The following TLN2 variants were observed in gnomAD, a reference collection of about 807,000 sequenced individuals.
The protein encoded by TLN2 is talin 2, also known as talin-2.
TLN2 carries 118 observed loss-of-function variants against 294.7 expected under a neutral mutation model. The observed-to-expected ratio is 0.40, with a 90% confidence interval of 0.34 to 0.47. The LOEUF (loss-of-function observed/expected upper bound fraction) is 0.47. TLN2 is among the 20% of genes least tolerant of loss of function. TLN2 has a pLI of 0.84. For missense variants in TLN2, 3,083 were observed against 3,282.2 expected (o/e 0.94, Z 1.48); for synonymous variants, 1,431 against 1,304.5 (o/e 1.10, Z -2.09).
intron 17 of TLN2, 131 bp downstream of exon 17, chr15:62,701,345 C>T (rs1056185243): frequency 1.8e-5 from 14 of 761,384 alleles, no homozygotes; most frequent in African/African-American, 1.2e-4. Context: ...TAGTCTAAGG[C>T]ACTTTTAGTG....
At chr15:62,665,779 C>T (rs2054556527) in intron 9 of TLN2, among the ~76,000 whole-genome samples, 1 of 152,212 alleles carries the variant, frequency 6.6e-6, no homozygotes, top group Non-Finnish European at 1.5e-5. Flanking sequence ...CACTTGGCCT[C>T]TGTTCAAACA....
intron 1 of TLN2, among the ~76,000 whole-genome samples, chr15:62,472,951 G>A (rs1466035791): frequency 6.6e-6 from 1 of 152,186 alleles, no homozygotes; most frequent in Non-Finnish European, 1.5e-5. Flanking sequence ...GCCATGTCTG[G>A]TTCTTTGCTC....
intron 1 of TLN2, among the ~76,000 whole-genome samples, chr15:62,445,247 C>T (rs1306507781): frequency 6.6e-6 from 1 of 152,186 alleles, no homozygotes; most frequent in Non-Finnish European, 1.5e-5. Flanking sequence ...TAGGAATCAC[C>T]TGTGGCTTTA....
At chr15:62,542,314 C>T (rs1302147411) in intron 1 of TLN2, among the ~76,000 whole-genome samples, 2 of 152,086 alleles carry the variant, frequency 1.3e-5, no homozygotes, top group African/African-American at 4.8e-5. Flanking sequence ...GCCTCAGCCT[C>T]CAGAGTAGCT....
At chr15:62,793,541 T>G (rs1207227419) in intron 46 of TLN2, among the ~76,000 whole-genome samples, 2 of 152,204 alleles carry the variant, frequency 1.3e-5, no homozygotes, top group Admixed American at 6.5e-5. Context: ...CAGTTACACA[T>G]GTAATAAATC....
chr15:62,544,992 C>T (rs150322181), intron 1 of TLN2, among the ~76,000 whole-genome samples: 4,144 of 151,848 alleles, frequency 0.027, 192 homozygotes, highest in African/African-American at 0.095. Flanking sequence ...TGCAGTGTTG[C>T]GATCTCGGCT....
chr15:62,739,490 G>A lies in TLN2; in HGVS notation c.3830G>A (p.Ser1277Asn), dbSNP rs759667352. 2 of 1,614,228 alleles carry A rather than the reference G, an allele frequency of 1.2e-6. No homozygotes were observed. The highest frequency in any genetic ancestry group is 2.2e-5 in the East Asian group (1 of 44,884). ...TTGGCTGCAGCCTCTGGAAAGTTCA[G>A]TGATGATTTTGATGAATTCCTCGAT... The part of the protein sequence containing the change: ...GELAAASGKF[S>N]DDFDEFLDAG... The change falls in exon 31 of 59, where the codon AGT (serine) becomes AAT (asparagine). Residue 1277 changes from serine (S) to asparagine (N), a missense_variant. Physicochemically the swap from Ser to Asn is conservative, Grantham distance 46. Transcript: ENST00000636159.
chr15:62,520,787 C>T (rs911664684), intron 1 of TLN2, among the ~76,000 whole-genome samples: 3 of 152,140 alleles, frequency 2.0e-5, no homozygotes, highest in Non-Finnish European at 4.4e-5. Flanking sequence ...AGTTCTATCT[C>T]TTAAGGGAGA....
chr15:62,480,959 T>C (rs2038055015), intron 1 of TLN2, among the ~76,000 whole-genome samples: 1 of 152,220 alleles, frequency 6.6e-6, no homozygotes, highest in South Asian at 2.1e-4. Context: ...GCTAGCACTA[T>C]TGACAGGGCA....
chr15:62,573,887 C>G (rs1298607052), intron 1 of TLN2, among the ~76,000 whole-genome samples: 1 of 151,916 alleles, frequency 6.6e-6, no homozygotes, highest in African/African-American at 2.4e-5. Flanking sequence ...GAAATAGCTA[C>G]CCAAGCTCAC....
intron 9 of TLN2, among the ~76,000 whole-genome samples, chr15:62,659,762 G>T (rs1429251006): frequency 2.0e-5 from 3 of 152,184 alleles, no homozygotes; most frequent in African/African-American, 4.8e-5. Flanking sequence ...TTTTCCTTAT[G>T]AATTTGATTT....
At chr15:62,473,816 G>A (rs556050147) in intron 1 of TLN2, among the ~76,000 whole-genome samples, 26 of 152,312 alleles carry the variant, frequency 1.7e-4, no homozygotes, top group Middle Eastern at 3.4e-3. Flanking sequence ...GTACAGGGCC[G>A]GGCATGGTGG....
intron 1 of TLN2, among the ~76,000 whole-genome samples, chr15:62,562,963 CA>C (rs1596141890): frequency 7.4e-6 from 1 of 134,720 alleles, no homozygotes; most frequent in East Asian, 2.1e-4. Flanking sequence ...CACACACACA[CA>C]CACACACCAG....
intron 35 of TLN2, among the ~76,000 whole-genome samples, chr15:62,753,207 GTTTC>G (rs1485537562): frequency 1.3e-5 from 2 of 152,046 alleles, no homozygotes; most frequent in Non-Finnish European, 2.9e-5. Flanking sequence ...CTTTTTTGTT[GTTTC>G]TTTTCTGGGC....
intron 1 of TLN2, among the ~76,000 whole-genome samples, chr15:62,562,939 C>CACACACACACAG (rs1203087249): frequency 3.5e-4 from 53 of 149,438 alleles, no homozygotes; most frequent in African/African-American, 1.3e-3. Flanking sequence ...CACACACACA[C>CACACACACACAG]ACACACACAC....
intron 14 of TLN2, among the ~76,000 whole-genome samples, chr15:62,697,033 C>T (rs563014874): frequency 6.6e-6 from 1 of 152,176 alleles, no homozygotes; most frequent in African/African-American, 2.4e-5. Context: ...TATTATTTAC[C>T]AAAAATAATA....
At chr15:62,471,274 G>T (rs1012800969) in intron 1 of TLN2, among the ~76,000 whole-genome samples, 2 of 152,206 alleles carry the variant, frequency 1.3e-5, no homozygotes, top group Non-Finnish European at 2.9e-5. Context: ...AGGAGGTCGA[G>T]GTCGAGGCTG....
intron 1 of TLN2, among the ~76,000 whole-genome samples, chr15:62,464,235 A>G (rs1484685337): frequency 6.6e-6 from 1 of 152,238 alleles, no homozygotes; most frequent in Non-Finnish European, 1.5e-5. Context: ...ATGGAATACT[A>G]TGCAGCCATA....
intron 1 of TLN2, among the ~76,000 whole-genome samples, chr15:62,474,648 A>T (rs903260147): frequency 2.6e-5 from 4 of 152,168 alleles, no homozygotes; most frequent in African/African-American, 9.7e-5. Context: ...CTCAAAAAAG[A>T]ATAAGGAATA....
Sources: gnomAD v4.1 joint callset for allele counts (sites outside exome capture counted in the v4.1 genomes callset) on GRCh38, gnomAD v4.1.1 for gene constraint, MANE v1.5 for transcripts, NCBI Gene and HGNC (gene_info 2026-07-23, HGNC 2026-07-21) for gene names.